Variants in PLEKHA8 observed in about 807,000 individuals in gnomAD.
PLEKHA8 encodes the protein pleckstrin homology domain-containing family A member 8.
Under a neutral mutation model 68.2 loss-of-function variants are expected in PLEKHA8, and 36 were observed. The observed-to-expected ratio is 0.53, with a 90% CI of 0.40 to 0.70. The LOEUF (loss-of-function observed/expected upper bound fraction) is 0.70, where lower values mean the gene tolerates loss of function less well. PLEKHA8 is among the 30% of genes least tolerant of loss of function. The pLI, the probability that PLEKHA8 is intolerant of heterozygous loss-of-function variation, is 0.00. For missense variants in PLEKHA8, 505 were observed against 615.4 expected (o/e 0.82, Z 1.90); for synonymous variants, 211 against 216.1 (o/e 0.98, Z 0.20).
chr7:30,115,998 A>G lies in PLEKHA8; in HGVS notation c.1363-13268A>G, dbSNP rs1020926388. 7.1e-5 allele frequency: 10 copies of G among 141,834 alleles called. 1 individual carries two copies. The highest frequency in any genetic ancestry group is 5.2e-4 in the South Asian group (2 of 3,864). 8.8% of individuals were successfully genotyped at this position (141,834 alleles called of 1,614,324 possible). On this transcript the variant is annotated intron_variant, in intron 13 of 13. Coordinates refer to the PLEKHA8 transcript ENST00000396257. The stretch of plus-strand genomic sequence containing the variant: ...CATGCATGCATGTATGCATACGCAT[A>G]CATACGCATACATACGCATACATAC...
chr7:30,107,682 TC>T (rs1796111656), intron 13 of PLEKHA8, among the ~76,000 whole-genome samples: 1 of 152,204 alleles, frequency 6.6e-6, no homozygotes, highest in Non-Finnish European at 1.5e-5. Flanking sequence ...TGCTATAGGT[TC>T]TTTGGTAGCT....
At chr7:30,052,604 TACTGCAGCCTGGGTGACAGAGTGGAG>T in intron 6 of PLEKHA8, 79 bp from the exon 7 acceptor site, 1 of 963,486 alleles carries the variant, frequency 1.0e-6, no homozygotes, top group Non-Finnish European at 1.5e-6. Flanking sequence ...TGTGCCACTG[TACTGCAGCCTGGGTGACAGAGTGGAG>T]ACCCTGTTTC....
chr7:30,109,730 G>A (rs1796206772), intron 13 of PLEKHA8, among the ~76,000 whole-genome samples: 1 of 149,018 alleles, frequency 6.7e-6, no homozygotes, highest in South Asian at 2.1e-4. Flanking sequence ...GGAGTGCAGT[G>A]GTACAATCAC....
At chr7:30,085,794 T>C (rs1390737703), downstream of PLEKHA8, among the ~76,000 whole-genome samples, 1 of 151,742 alleles carries the variant, frequency 6.6e-6, no homozygotes, top group African/African-American at 2.4e-5. Flanking sequence ...TCAAGTAGAG[T>C]TGGGACTGGG....
intron 13 of PLEKHA8, among the ~76,000 whole-genome samples, chr7:30,076,812 T>G (rs976685366): frequency 6.6e-6 from 1 of 152,210 alleles, no homozygotes; most frequent in Non-Finnish European, 1.5e-5. Flanking sequence ...TTATAAGTTT[T>G]CTAACATGCT....
In PLEKHA8 at chr7:30,044,308, A is replaced by G. The variant is rs562094029; in HGVS notation, c.41-777A>G. On this transcript the variant is annotated intron_variant, in intron 1 of 13. Coordinates refer to ENST00000449726, the MANE Select transcript of PLEKHA8 (RefSeq NM_001197026.2). ...GCGTGAGCCACCACGCCTGGCCAGG[A>G]TGACATTTTATGAAGAGATCCAGTT... is the stretch of plus-strand genomic sequence containing the variant. Among the ~76,000 whole-genome samples the G allele has an allele frequency of 2.6e-5, 4 of 152,230 alleles. No individual in the cohort carries two copies. The East Asian group carries it at 5.8e-4, about 22-fold the overall frequency.
At chr7:30,046,479 C>A (rs752514456) in intron 3 of PLEKHA8, 114 bp downstream of exon 3, 74 of 1,175,360 alleles carry the variant, frequency 6.3e-5, no homozygotes, top group Non-Finnish European at 8.4e-5. Context: ...TTGTGTCATG[C>A]AAATGCTGTG....
At chr7:30,124,411 T>A (rs191218275) in intron 13 of PLEKHA8, among the ~76,000 whole-genome samples, 1 of 152,272 alleles carries the variant, frequency 6.6e-6, no homozygotes, top group East Asian at 1.9e-4. Context: ...TAAAGAAAAA[T>A]GTCAGTTTGT....
chr7:30,061,462 A>G (rs1326190575), intron 10 of PLEKHA8, among the ~76,000 whole-genome samples: 1 of 152,214 alleles, frequency 6.6e-6, no homozygotes, highest in Non-Finnish European at 1.5e-5. Flanking sequence ...TTGAGGATAC[A>G]GTGCCCAATA....
intron 12 of PLEKHA8, among the ~76,000 whole-genome samples, chr7:30,072,866 C>G (rs1452928187): frequency 6.6e-6 from 1 of 152,140 alleles, no homozygotes; most frequent in Non-Finnish European, 1.5e-5. Context: ...AATGAGTGCT[C>G]TGTTGCTACT....
chr7:30,094,285 T>C (rs925751096), downstream of PLEKHA8, among the ~76,000 whole-genome samples: 1 of 151,980 alleles, frequency 6.6e-6, no homozygotes, highest in Non-Finnish European at 1.5e-5. Flanking sequence ...CTTTTTTTTT[T>C]TTTTTCCAGA....
At chr7:30,099,056 TTTTC>T (rs977038303) in intron 13 of PLEKHA8, among the ~76,000 whole-genome samples, 7 of 152,190 alleles carry the variant, frequency 4.6e-5, no homozygotes, top group Admixed American at 4.6e-4. Context: ...GTGCCCAGCC[TTTTC>T]TTTCTTTTTA....
In PLEKHA8 at chr7:30,115,600, A is replaced by G. The variant is rs183839104; in HGVS notation, c.1363-13666A>G. 2.4e-4 allele frequency among the ~76,000 whole-genome samples: 36 copies of G among 150,852 alleles called. No individual in the cohort carries two copies. In the East Asian group the frequency reaches 6.3e-3, roughly 26 times the overall value. ...TGCACGTATACATGTAGACATGTATACATACATTTATACATGCACACATAC... is the reference window on the plus strand; with the variant it reads ...TGCACGTATACATGTAGACATGTATGCATACATTTATACATGCACACATAC... On this transcript the variant is annotated intron_variant, in intron 13 of 13. Coordinates refer to the PLEKHA8 transcript ENST00000396257.
At chr7:30,101,971 G>T (rs555980775) in intron 13 of PLEKHA8, among the ~76,000 whole-genome samples, 1 of 149,766 alleles carries the variant, frequency 6.7e-6, no homozygotes, top group African/African-American at 2.4e-5. Context: ...TGCATCAAAG[G>T]ACATTGTCAA....
In PLEKHA8 at chr7:30,078,679, T is replaced by C; in HGVS notation, c.1452T>C (p.Ile484=). 4 of 1,613,856 alleles carry C rather than the reference T, an allele frequency of 2.5e-6. No individual in the cohort carries two copies. Among genetic ancestry groups the C allele is most frequent in the Non-Finnish European group, 3.4e-6 (4 of 1,179,852 alleles). ...EGDHQKEAFS[I]GMQRDLSLYL... ...ACCACCAGAAAGAAGCTTTCAGTAT[T>C]GGGATGCAGAGGGACCTCAGCCTTT... The change falls in exon 14 of 14, where the codon ATT becomes ATC. Residue 484 remains isoleucine (I), a synonymous_variant. Coordinates refer to ENST00000449726, the MANE Select transcript of PLEKHA8 (RefSeq NM_001197026.2).
At chr7:30,120,250 C>G (rs1160955314) in intron 13 of PLEKHA8, among the ~76,000 whole-genome samples, 2 of 150,424 alleles carry the variant, frequency 1.3e-5, no homozygotes, top group Admixed American at 6.6e-5. Context: ...CAGAGTTTAA[C>G]TGAGTAAATA....
intron 12 of PLEKHA8, among the ~76,000 whole-genome samples, chr7:30,064,821 G>C (rs1193782733): frequency 2.0e-5 from 3 of 152,162 alleles, no homozygotes; most frequent in African/African-American, 4.8e-5. Context: ...AAGATACAGG[G>C]TTTAGCACTG....
chr7:30,093,080 A>G (rs1363753064), downstream of PLEKHA8, among the ~76,000 whole-genome samples: 4 of 152,222 alleles, frequency 2.6e-5, no homozygotes, highest in Admixed American at 1.3e-4. Flanking sequence ...CCTCCTCTGC[A>G]TAACATATGG....
In PLEKHA8 at chr7:30,049,343, A is replaced by G; in HGVS notation, c.558A>G (p.Pro186=). 1.2e-6 allele frequency: 2 copies of G among 1,614,170 alleles called. No homozygotes were observed. Among genetic ancestry groups the G allele is most frequent in the Non-Finnish European group, 1.7e-6 (2 of 1,180,002 alleles). The change falls in exon 5 of 14, where the codon CCA becomes CCG. Residue 186 remains proline (P), a synonymous_variant. Coordinates refer to ENST00000449726, the MANE Select transcript of PLEKHA8 (RefSeq NM_001197026.2). ...AFTSELLYRT[P]PGSPQLAMLK... ...CCTCTGAGCTGCTCTACCGCACTCC[A>G]CCAGGATCACCTCAGCTGGCCATGC...
Sources: gnomAD v4.1 joint callset for allele counts (sites outside exome capture counted in the v4.1 genomes callset) on GRCh38, gnomAD v4.1.1 for gene constraint, MANE v1.5 for transcripts, NCBI Gene and HGNC (gene_info 2026-07-23, HGNC 2026-07-21) for gene names.